The following VWA5B1 variants were observed in gnomAD, a reference collection of about 807,000 sequenced individuals.
VWA5B1 encodes von Willebrand factor A domain containing 5B1, also known as von Willebrand factor A domain-containing protein 5B1.
A neutral mutation model predicts 118.2 loss-of-function variants in VWA5B1; 115 were observed. That is an observed-to-expected ratio of 0.97 (90% CI 0.84 to 1.14). VWA5B1 has a LOEUF of 1.14. Among genes scored for constraint, VWA5B1 ranks in the 50% most tolerant of loss-of-function variants. The probability of loss-of-function intolerance (pLI) is 0.00; values close to 1 mark genes in which losing one functional copy is unlikely to be tolerated. For missense variants in VWA5B1, 1,596 were observed against 1,603.8 expected (o/e 1.00, Z 0.08); for synonymous variants, 682 against 658.4 (o/e 1.04, Z -0.55).
In VWA5B1 at chr1:20,352,151, G is replaced by A; in HGVS notation, c.3120G>A (p.Gln1040=). 1 of 1,551,404 alleles carries A rather than the reference G, an allele frequency of 6.4e-7. No individual in the cohort carries two copies. Among genetic ancestry groups the A allele is most frequent in the South Asian group, 1.2e-5 (1 of 84,036 alleles). ...IKAVESTSGN[Q]SFDYIPLVSL... is the part of the protein sequence containing the mutation. ...CTGTGGAGTCGACCTCCGGGAACCA[G>A]AGCTTCGACTACATACCTCTGGTGA... The change falls in exon 21 of 22, where the codon CAG becomes CAA. Residue 1040 remains glutamine, a synonymous_variant. Transcript: ENST00000289815.
At chr1:20,291,493 G>A (rs925270671) in intron 1 of VWA5B1, among the ~76,000 whole-genome samples, 17 of 150,296 alleles carry the variant, frequency 1.1e-4, no homozygotes, top group African/African-American at 3.9e-4. Context: ...GTGAGTCTGC[G>A]TCTCCTTCTC....
In VWA5B1 at chr1:20,308,019, T is replaced by C. The variant is rs116027566; in HGVS notation, c.-26-2557T>C. ...ACCCAATAGTTAGTTTTTCAACCCT[T>C]TCCCCACTCCTTCCCTCCCCGACCA... On this transcript the variant is annotated intron_variant, in intron 1 of 21. Coordinates refer to ENST00000289815, the MANE Select transcript of VWA5B1 (RefSeq NM_001039500.3). Among the ~76,000 whole-genome samples, 392 of 152,192 alleles carry C rather than the reference T, an allele frequency of 2.6e-3. 2 individuals are homozygous for C. Among genetic ancestry groups the C allele is most frequent in the African/African-American group, 8.8e-3 (367 of 41,496 alleles).
chr1:20,330,770 C>G (rs1345546403), intron 10 of VWA5B1, 99 bp from the exon 11 acceptor site: 1 of 1,261,338 alleles, frequency 7.9e-7, no homozygotes, highest in African/African-American at 1.5e-5. Context: ...AGGGCCAGCT[C>G]CAAGATCCTG....
chr1:20,330,930 G>A lies in VWA5B1; in HGVS notation c.1519G>A (p.Val507Met), dbSNP rs967735594. 9 of 1,551,592 alleles carry A rather than the reference G, an allele frequency of 5.8e-6. No individual in the cohort carries two copies. The highest frequency in any genetic ancestry group is 7.8e-6 in the Non-Finnish European group (9 of 1,146,996). ...CAGACTGGTGAAAGGACTGGCATCT[G>A]TGTCCGAGGGCAGTGCTGAGCTCCT... ...CHRLVKGLASVSEGSAELLME... is the reference protein window; with the variant it reads ...CHRLVKGLASMSEGSAELLME... Residue 507 changes from valine to methionine, a missense_variant, in exon 11 of 22, where the codon GTG becomes ATG. Coordinates refer to ENST00000289815, the MANE Select transcript of VWA5B1 (RefSeq NM_001039500.3).
At chr1:20,350,582 G>A (rs1168963617) in intron 19 of VWA5B1, among the ~76,000 whole-genome samples, 3 of 152,246 alleles carry the variant, frequency 2.0e-5, no homozygotes, top group African/African-American at 7.2e-5. Flanking sequence ...GCAGGGCTAA[G>A]TGAAGCTGTC....
At chr1:20,348,387 C>A in intron 18 of VWA5B1, 29 bp downstream of exon 18, 1 of 1,549,860 alleles carries the variant, frequency 6.5e-7, no homozygotes, top group Non-Finnish European at 8.7e-7. Context: ...GTAAGAGCCA[C>A]CCTGGGCACT....
intron 1 of VWA5B1, among the ~76,000 whole-genome samples, chr1:20,301,859 A>C (rs2088512090): frequency 6.6e-6 from 1 of 152,156 alleles, no homozygotes. Flanking sequence ...GTGTGGGTGC[A>C]TTTCTGAGTG....
Position 20,346,579 on chromosome 1 carries a change from A to G in VWA5B1, c.2764+986A>G, listed in dbSNP as rs72982077. Among the ~76,000 whole-genome samples, 373 of 152,330 alleles carry G rather than the reference A, an allele frequency of 2.4e-3. 1 individual carries two copies. Among genetic ancestry groups the G allele is most frequent in the African/African-American group, 8.6e-3 (358 of 41,564 alleles). On this transcript the variant is annotated intron_variant, in intron 17 of 21. Transcript: ENST00000289815. ...GGATGCCCATTTAAAATTGTGATGT[A>G]TGTTACCAAACTGCCCCCTTACCAT...
intron 1 of VWA5B1, chr1:20,294,392 A>G (rs887429621): frequency 3.3e-5 from 5 of 152,268 alleles, no homozygotes; most frequent in South Asian, 2.1e-4. Context: ...GGGGTTGGGG[A>G]AAAAGGGACA....
chr1:20,311,198 C>T (rs2100839296), intron 2 of VWA5B1, among the ~76,000 whole-genome samples: 1 of 152,316 alleles, frequency 6.6e-6, no homozygotes, highest in Non-Finnish European at 1.5e-5. Flanking sequence ...GTCTCAAACT[C>T]CTGAGCTCAA....
At chr1:20,340,081 T>C (rs888186590) in intron 14 of VWA5B1, among the ~76,000 whole-genome samples, 1 of 152,180 alleles carries the variant, frequency 6.6e-6, no homozygotes, top group South Asian at 2.1e-4. Context: ...ACTTCTTTCC[T>C]GCGCGCTCCC....
chr1:20,334,576 C>T (rs1191889692), intron 12 of VWA5B1, among the ~76,000 whole-genome samples: 2 of 152,074 alleles, frequency 1.3e-5, no homozygotes, highest in Non-Finnish European at 2.9e-5. Flanking sequence ...TTTGGGAGGC[C>T]GAGGCAGGTT....
At chr1:20,309,457 T>TG (rs1450218676) in intron 1 of VWA5B1, among the ~76,000 whole-genome samples, 3 of 152,086 alleles carry the variant, frequency 2.0e-5, no homozygotes, top group Non-Finnish European at 2.9e-5. Flanking sequence ...AAAATGAGCA[T>TG]GGGGTGGGCC....
At chr1:20,304,411 G>A (rs923024634) in intron 1 of VWA5B1, among the ~76,000 whole-genome samples, 5 of 152,170 alleles carry the variant, frequency 3.3e-5, no homozygotes, top group African/African-American at 1.2e-4. Context: ...TTGGAGGAAG[G>A]CAAGCATGTA....
chr1:20,354,404 A>C lies in VWA5B1; in HGVS notation c.*141A>C. ...AAAGAGCCCTGGACTGGCAGCCAGG[A>C]GGCCTGAGTTCAATCCCAACTTTGC... On this transcript the variant is annotated 3_prime_UTR_variant, in exon 22 of 22. Coordinates refer to ENST00000289815, the MANE Select transcript of VWA5B1 (RefSeq NM_001039500.3). 5 of 1,127,544 alleles carry C rather than the reference A, an allele frequency of 4.4e-6. No individual in the cohort carries two copies. The highest frequency in any genetic ancestry group is 2.9e-5 in the Admixed American group (1 of 34,726). The allele number at this position is 1,127,544 out of a possible 1,614,324, so 69.8% of individuals were successfully genotyped here.
intron 1 of VWA5B1, among the ~76,000 whole-genome samples, chr1:20,304,557 G>A (rs10799628): frequency 0.36 from 54,974 of 151,818 alleles, 10,308 homozygotes; most frequent in East Asian, 0.54. Context: ...ATGGAGGTGT[G>A]TGTGTGTGTG....
rs542391804 is a variant in VWA5B1, at chr1:20,354,157, C to G, written c.3542C>G (p.Thr1181Arg). 1.2e-5 allele frequency: 19 copies of G among 1,551,284 alleles called. No homozygotes were observed. The highest frequency in any genetic ancestry group is 2.7e-5 in the African/African-American group (2 of 73,066). ...CAGCAGGAAGTACCCGAGGGCCGCA[C>G]GCAGGGCACACTCAAGGCCGCTGCC... ...LEQQEVPEGR[T>R]QGTLKAAARQ... is the part of the protein sequence containing the mutation. The change falls in exon 22 of 22, where the codon ACG becomes AGG. Residue 1181 changes from threonine (T) to arginine (R), a missense_variant. By Grantham distance (71) the Thr-to-Arg change is moderately conservative. Coordinates refer to ENST00000289815, the MANE Select transcript of VWA5B1 (RefSeq NM_001039500.3).
chr1:20,350,294 G>A (rs2090102574), intron 19 of VWA5B1, 64 bp downstream of exon 19: 2 of 1,530,898 alleles, frequency 1.3e-6, no homozygotes, highest in African/African-American at 1.4e-5. Context: ...CTGGGGTCAG[G>A]AGAGTATCTT....
At chr1:20,342,989 G>A (rs1323355970) in intron 15 of VWA5B1, 90 bp from the exon 16 acceptor site, 5 of 1,451,196 alleles carry the variant, frequency 3.4e-6, no homozygotes, top group Non-Finnish European at 4.6e-6. Context: ...GCTTAGAAGT[G>A]TCTGCTCCCT....
Sources: gnomAD v4.1 joint callset for allele counts (sites outside exome capture counted in the v4.1 genomes callset) on GRCh38, gnomAD v4.1.1 for gene constraint, MANE v1.5 for transcripts, NCBI Gene and HGNC (gene_info 2026-07-23, HGNC 2026-07-21) for gene names.